The following TTC14 variants were observed in gnomAD, a reference collection of about 807,000 sequenced individuals.
TTC14 encodes the protein tetratricopeptide repeat protein 14.
In TTC14, 63 loss-of-function variants were observed where a neutral mutation model predicts 79.9. That is an observed-to-expected ratio of 0.79 (90% CI 0.64 to 0.97). TTC14 has a LOEUF of 0.97. Among genes scored for constraint, TTC14 ranks in the 50% least tolerant of loss-of-function variants. The pLI is 0.00. For synonymous variants in TTC14, 335 were observed against 309.6 expected, an observed-to-expected ratio of 1.08 and a Z score of -0.86; for missense variants, 895 against 894.0, an observed-to-expected ratio of 1.00 and a Z score of -0.01.
rs1716387946 is a variant in TTC14 at position 180,602,199 on chromosome 3, A to T, written c.-63A>T. The T allele has an allele frequency of 5.0e-6, 8 of 1,584,774 alleles. No homozygotes were observed. The highest frequency in any genetic ancestry group is 1.8e-5 in the Admixed American group (1 of 57,058). On this transcript the variant is annotated 5_prime_UTR_variant, in exon 1 of 12. The change creates a new upstream start codon in the 5' untranslated region. Coordinates refer to ENST00000296015, the MANE Select transcript of TTC14 (RefSeq NM_133462.4). ...TCCGCTTCCTGTACCACCCGGCTCA[A>T]GTAGCGGACACGGAACAGGGAACTA...
Position 180,604,242 on chromosome 3 carries a change from A to T in TTC14, c.504A>T (p.Arg168Ser), listed in dbSNP as rs1353396059. Residue 168 changes from arginine (R) to serine (S), a missense_variant, in exon 4 of 12, where the codon AGA becomes AGT. Arg to Ser is a moderately radical substitution (Grantham distance 110, BLOSUM62 -1). Coordinates refer to ENST00000296015, the MANE Select transcript of TTC14 (RefSeq NM_133462.4). ...HLEITALCPL[R>S]DVPSHSNHGD... is the part of the protein sequence containing the mutation. ...CATTACAGGCTCTTTGTCCCTTAAG[A>T]GATGTGCCTTCTCACAGTAACCATG... The T allele has an allele frequency of 6.2e-7, 1 of 1,613,504 alleles. No individual in the cohort carries two copies. The highest frequency in any genetic ancestry group is 8.5e-7 in the Non-Finnish European group (1 of 1,179,668).
In TTC14 at chr3:180,605,764, A is replaced by G. The variant is rs1213107491; in HGVS notation, c.858-2A>G. On this transcript the variant is annotated splice_acceptor_variant, in intron 6 of 11. Coordinates refer to ENST00000296015, the MANE Select transcript of TTC14 (RefSeq NM_133462.4). LOFTEE classifies it high-confidence loss of function. Reference sequence around the variant, plus strand: ...CTTTTTAATTTTTATTTTCTTTAATAGCAAAAATTTCTCTGAAGATGATTT... The same window carrying G: ...CTTTTTAATTTTTATTTTCTTTAATGGCAAAAATTTCTCTGAAGATGATTT... 2 of 1,569,276 alleles carry G rather than the reference A, an allele frequency of 1.3e-6. No individual in the cohort carries two copies. Among genetic ancestry groups the G allele is most frequent in the Non-Finnish European group, 1.7e-6 (2 of 1,166,566 alleles).
chr3:180,613,052 G>T (rs1483988431), downstream of TTC14, among the ~76,000 whole-genome samples: 5 of 152,100 alleles, frequency 3.3e-5, no homozygotes, highest in Non-Finnish European at 7.4e-5. Flanking sequence ...AGTCAGAATG[G>T]CTATTACACC....
chr3:180,614,263 A>T (rs1717132251), downstream of TTC14: 1 of 156,768 alleles, frequency 6.4e-6, no homozygotes. Context: ...CAAATCTTTA[A>T]TGCGTTTATT....
rs1250466953 is a variant in TTC14, at chr3:180,616,363, T to C, written c.1775-1017T>C. On this transcript the variant is annotated intron_variant, in intron 12 of 12. Transcript: ENST00000382584. ...CTAGCTGTAGGTAGTTCTAACCCAC[T>C]CTGGAGGAATATTCAATAGCAATCA... 3 of 1,609,446 alleles carry C rather than the reference T, an allele frequency of 1.9e-6. No homozygotes were observed. The African/African-American group carries it at 4.0e-5, about 22-fold the overall frequency.
At chr3:180,615,472 G>A (rs2108403287), downstream of TTC14, among the ~76,000 whole-genome samples, 1 of 152,146 alleles carries the variant, frequency 6.6e-6, no homozygotes, top group Non-Finnish European at 1.5e-5. Flanking sequence ...AGAGAAGAGA[G>A]AAGCATATTG....
chr3:180,612,165 TAAAG>T (rs1468993177), downstream of TTC14, among the ~76,000 whole-genome samples: 3 of 152,348 alleles, frequency 2.0e-5, no homozygotes, highest in Middle Eastern at 3.4e-3. Context: ...GTCGTGTTTA[TAAAG>T]AAAGAGTGAA....
At position 180,603,016 on chromosome 3, in the gene TTC14, G is replaced by A. The variant is rs1193315808; in HGVS notation, c.286+1G>A. 2 of 1,613,084 alleles carry A rather than the reference G, an allele frequency of 1.2e-6. No individual in the cohort carries two copies. The highest frequency in any genetic ancestry group is 1.7e-6 in the Non-Finnish European group (2 of 1,179,774). ...TCTGAAATTAATGAAGACAGTGAAG[G>A]TCAGTTTAGCCTTAAAATCTTTAAG... On this transcript the variant is annotated splice_donor_variant, in intron 2 of 11. Transcript: ENST00000296015. LOFTEE classifies it high-confidence loss of function.
At chr3:180,615,060 C>T (rs1386857992), downstream of TTC14, 13 of 1,543,764 alleles carry the variant, frequency 8.4e-6, no homozygotes, top group Middle Eastern at 1.7e-4. Context: ...AGTAGATGTA[C>T]TTGTACTCCT....
chr3:180,608,579 C>T (rs1716819150), intron 10 of TTC14, 122 bp from the exon 11 acceptor site: 5 of 1,331,156 alleles, frequency 3.8e-6, no homozygotes, highest in East Asian at 6.1e-5. Context: ...TTAATGCTGG[C>T]TCTATGGTGA....
chr3:180,615,316 C>T (rs1012134325), downstream of TTC14, among the ~76,000 whole-genome samples: 1 of 152,034 alleles, frequency 6.6e-6, no homozygotes, highest in Non-Finnish European at 1.5e-5. Flanking sequence ...TATGTTCCTA[C>T]ATGGTAAAAA....
At chr3:180,613,169 C>A (rs1717093939), downstream of TTC14, among the ~76,000 whole-genome samples, 1 of 152,134 alleles carries the variant, frequency 6.6e-6, no homozygotes. Flanking sequence ...GTATACAAAC[C>A]AATTTCTAAG....
At chr3:180,617,089 G>T (rs1324527889) in intron 12 of TTC14, 2 of 593,386 alleles carry the variant, frequency 3.4e-6, no homozygotes, top group African/African-American at 1.9e-5. Context: ...CATTATTTCT[G>T]TTGATGTACC....
intron 1 of TTC14, 82 bp from the exon 2 acceptor site, chr3:180,602,809 G>A: frequency 6.8e-7 from 1 of 1,462,630 alleles, no homozygotes; most frequent in Non-Finnish European, 9.2e-7. Context: ...CGGAATGGGC[G>A]ATGAAAGCCA....
At chr3:180,605,124 C>T (rs1716604474) in intron 6 of TTC14, 117 bp downstream of exon 6, 1 of 987,930 alleles carries the variant, frequency 1.0e-6, no homozygotes, top group Non-Finnish European at 1.4e-6. Context: ...AGGCATATGC[C>T]AAAGGTTGAA....
At chr3:180,607,516 G>T in intron 9 of TTC14, 132 bp from the exon 10 acceptor site, 4 of 1,289,152 alleles carry the variant, frequency 3.1e-6, no homozygotes, top group Non-Finnish European at 3.0e-6. Flanking sequence ...TATTATTTTG[G>T]TATTTTATTT....
exon 13 of TTC14, chr3:180,617,557 A>G (rs916607106): frequency 2.7e-5 from 16 of 597,900 alleles, no homozygotes; most frequent in Non-Finnish European, 4.6e-5. Flanking sequence ...GATGATCCTG[A>G]CCACGGGTAG....
chr3:180,616,897 G>GCTT, intron 12 of TTC14: 1 of 1,572,278 alleles, frequency 6.4e-7, no homozygotes, highest in Non-Finnish European at 8.7e-7. Flanking sequence ...GAATAAGCCT[G>GCTT]CTTCTCTGAT....
At position 180,610,219 on chromosome 3, in the gene TTC14, G is replaced by C; in HGVS notation, c.1990G>C (p.Gly664Arg). The C allele has an allele frequency of 6.2e-7, 1 of 1,614,010 alleles. No homozygotes were observed. The highest frequency in any genetic ancestry group is 8.5e-7 in the Non-Finnish European group (1 of 1,179,934). Reference sequence around the variant, plus strand: ...AGAGCACTATAGAAGGTGGGAACCAGGTTCTGTGAGGCATTCTACCTCACC... The same window carrying C: ...AGAGCACTATAGAAGGTGGGAACCACGTTCTGTGAGGCATTCTACCTCACC... Reference protein sequence around the residue: ...RKEHYRRWEPGSVRHSTSPAS... With the variant: ...RKEHYRRWEPRSVRHSTSPAS... The change falls in exon 12 of 12, where the codon GGT (glycine) becomes CGT (arginine). Residue 664 changes from glycine to arginine, a missense_variant. Physicochemically the swap from Gly to Arg is moderately radical, Grantham distance 125 (BLOSUM62 -2). Transcript: ENST00000296015.
Sources: gnomAD v4.1 joint callset for allele counts (sites outside exome capture counted in the v4.1 genomes callset) on GRCh38, gnomAD v4.1.1 for gene constraint, MANE v1.5 for transcripts, NCBI Gene and HGNC (gene_info 2026-07-23, HGNC 2026-07-21) for gene names.